The following WDR82 variants were observed in gnomAD, a reference collection of about 807,000 sequenced individuals.
WDR82 encodes the protein WD repeat domain 82.
In WDR82, 8 loss-of-function variants were observed where a neutral mutation model predicts 36.1. That is an observed-to-expected ratio of 0.22 (90% CI 0.13 to 0.40). WDR82 has a LOEUF of 0.40. Ranked by LOEUF, WDR82 falls within the 10% of genes least tolerant of loss-of-function variation. WDR82 has a pLI of 1.00. For missense variants in WDR82, 185 were observed against 400.5 expected (o/e 0.46, Z 4.59); for synonymous variants, 129 against 137.8 (o/e 0.94, Z 0.45).
Position 52,278,262 on chromosome 3 carries a change from C to T in WDR82, c.100G>A (p.Glu34Lys), listed in dbSNP as rs748560013. Residue 34 changes from glutamate (E) to lysine (K), a missense_variant, in exon 1 of 9, where the codon GAG becomes AAG. Coordinates refer to ENST00000296490, the MANE Select transcript of WDR82 (RefSeq NM_025222.4). ...INCFDFSPNG[E>K]TVISSSDDDS... ...TCGTCGCTACTCGAGATGACCGTCTCGCCGTTGGGGCTGAAATCGAAGCAG... is the reference window on the plus strand; with the variant it reads ...TCGTCGCTACTCGAGATGACCGTCTTGCCGTTGGGGCTGAAATCGAAGCAG... The T allele has an allele frequency of 6.2e-7, 1 of 1,611,266 alleles. No individual in the cohort carries two copies.
chr3:52,261,066 G>A (rs780176936), intron 4 of WDR82, among the ~76,000 whole-genome samples: 6 of 152,150 alleles, frequency 3.9e-5, no homozygotes, highest in East Asian at 1.9e-4. Flanking sequence ...TGGAGGTTGC[G>A]GTGAGCTGAG....
chr3:52,273,385 C>G (rs922373036), intron 1 of WDR82, among the ~76,000 whole-genome samples: 1 of 142,122 alleles, frequency 7.0e-6, no homozygotes, highest in South Asian at 2.3e-4. Flanking sequence ...GAGCCAAGAT[C>G]GCGCCATTGT....
chr3:52,266,665 C>T (rs532784590), intron 3 of WDR82, among the ~76,000 whole-genome samples: 3 of 152,032 alleles, frequency 2.0e-5, no homozygotes, highest in Admixed American at 6.6e-5. Flanking sequence ...TTCAAACTCC[C>T]GGCCTCAAGT....
intron 1 of WDR82, among the ~76,000 whole-genome samples, chr3:52,273,632 T>C (rs1700173837): frequency 6.6e-6 from 1 of 152,190 alleles, no homozygotes; most frequent in Non-Finnish European, 1.5e-5. Flanking sequence ...TTATTATTTT[T>C]ATGTTTTTGA....
intron 1 of WDR82, 70 bp from the exon 2 acceptor site, chr3:52,270,879 G>C (rs982927296): frequency 8.4e-7 from 1 of 1,196,320 alleles, no homozygotes; most frequent in African/African-American, 1.5e-5. Flanking sequence ...TCCACATAAA[G>C]AGAAGCACTT....
intron 8 of WDR82, 120 bp from the exon 9 acceptor site, chr3:52,257,639 TC>T: frequency 8.5e-7 from 1 of 1,178,566 alleles, no homozygotes; most frequent in East Asian, 2.5e-5. Context: ...TAGCCCTCTC[TC>T]CTAACCAACC....
Position 52,259,880 on chromosome 3 carries a change from A to C in WDR82, c.544-8T>G. 1 of 1,610,444 alleles carries C rather than the reference A, an allele frequency of 6.2e-7. No homozygotes were observed. Among genetic ancestry groups the C allele is most frequent in the Non-Finnish European group, 8.5e-7 (1 of 1,178,258 alleles). On this transcript the variant is annotated splice_polypyrimidine_tract_variant and splice_region_variant and intron_variant, in intron 5 of 8. Coordinates refer to ENST00000296490, the MANE Select transcript of WDR82 (RefSeq NM_025222.4). The stretch of plus-strand genomic sequence containing the variant: ...AAAGGTAGCAAATGGCCCCTGCAAA[A>C]GATAAAAAACAGTAGCCCCAGGCAT...
chr3:52,276,685 TACC>T (rs919625730), intron 1 of WDR82, among the ~76,000 whole-genome samples: 1 of 152,218 alleles, frequency 6.6e-6, no homozygotes, highest in African/African-American at 2.4e-5. Context: ...CTGACCCTAC[TACC>T]ACACCTTTAA....
intron 3 of WDR82, among the ~76,000 whole-genome samples, chr3:52,264,465 G>C (rs1455628244): frequency 6.6e-6 from 1 of 152,088 alleles, no homozygotes; most frequent in Non-Finnish European, 1.5e-5. Context: ...AGGGAATGAA[G>C]GATAAAGGTT....
intron 1 of WDR82, among the ~76,000 whole-genome samples, chr3:52,275,865 C>T (rs1174734356): frequency 6.6e-6 from 1 of 152,142 alleles, no homozygotes; most frequent in Non-Finnish European, 1.5e-5. Flanking sequence ...GCCTGGGCGA[C>T]TGAGCGAGAC....
chr3:52,266,014 G>A (rs931844235), intron 3 of WDR82, among the ~76,000 whole-genome samples: 1 of 152,118 alleles, frequency 6.6e-6, no homozygotes, highest in African/African-American at 2.4e-5. Context: ...ATATTATCCA[G>A]GGGAAAACGT....
Position 52,259,769 on chromosome 3 carries a change from C to T in WDR82, c.647G>A (p.Ser216Asn). The T allele has an allele frequency of 1.2e-6, 2 of 1,614,118 alleles. No homozygotes were observed. Among genetic ancestry groups the T allele is most frequent in the Non-Finnish European group, 1.7e-6 (2 of 1,180,008 alleles). ...GKLILISTNGSFIRLIDAFKG... is the reference protein window; with the variant it reads ...GKLILISTNGNFIRLIDAFKG... Reference sequence around the variant, plus strand: ...GAATGCATCAATCAGACGAATGAAGCTGCCGTTGGTGGAAATGAGGATGAG... The same window carrying T: ...GAATGCATCAATCAGACGAATGAAGTTGCCGTTGGTGGAAATGAGGATGAG... The change falls in exon 6 of 9, where the codon AGC (serine) becomes AAC (asparagine). Residue 216 changes from serine to asparagine, a missense_variant. This residue lies in a region of WDR82 where 110 missense variants were observed against 212.6 expected (regional missense o/e 0.52). Coordinates refer to ENST00000296490, the MANE Select transcript of WDR82 (RefSeq NM_025222.4).
intron 3 of WDR82, among the ~76,000 whole-genome samples, chr3:52,263,928 C>T (rs376073822): frequency 2.8e-4 from 43 of 152,292 alleles, no homozygotes; most frequent in African/African-American, 9.6e-4. Context: ...CTTTGGGAGG[C>T]TGAGGCGGAT....
At chr3:52,259,560 C>A (rs1485079178) in intron 6 of WDR82, among the ~76,000 whole-genome samples, 157 bp downstream of exon 6, 1 of 152,152 alleles carries the variant, frequency 6.6e-6, no homozygotes, top group Non-Finnish European at 1.5e-5. Context: ...TCTACGAAAT[C>A]CAAGAGAGGT....
In WDR82 at chr3:52,266,938, T is replaced by C. The variant is rs1700111416; in HGVS notation, c.326+14A>G. The C allele has an allele frequency of 6.2e-7, 1 of 1,603,498 alleles. No homozygotes were observed. The highest frequency in any genetic ancestry group is 1.3e-5 in the African/African-American group (1 of 74,680). On this transcript the variant is annotated intron_variant, in intron 3 of 8. Coordinates refer to ENST00000296490, the MANE Select transcript of WDR82 (RefSeq NM_025222.4). ...ATAAAAGAACTATCTGCTTCTATAA[T>C]ACGTGGGTCTTACCTTTTGCTATGT...
intron 1 of WDR82, among the ~76,000 whole-genome samples, chr3:52,271,588 TG>T (rs1405286219): frequency 2.1e-5 from 3 of 141,498 alleles, no homozygotes; most frequent in Non-Finnish European, 3.0e-5. Context: ...AGAAGCTCTG[TG>T]TTTTTTTTTT....
At chr3:52,265,342 G>GGAGGTCAA (rs1389941185) in intron 3 of WDR82, among the ~76,000 whole-genome samples, 2 of 137,472 alleles carry the variant, frequency 1.5e-5, no homozygotes, top group Non-Finnish European at 3.1e-5. Flanking sequence ...AAAAGAATCA[G>GGAGGTCAA]GAGGTCAAGA....
chr3:52,256,583 A>T lies in WDR82; in HGVS notation c.*907T>A, dbSNP rs1171730923. 2 of 153,750 alleles carry T rather than the reference A, an allele frequency of 1.3e-5. No homozygotes were observed. Among genetic ancestry groups the T allele is most frequent in the African/African-American group, 4.8e-5 (2 of 41,434 alleles). The allele number at this position is 153,750 out of a possible 1,614,324, so 9.5% of individuals were successfully genotyped here. On this transcript the variant is annotated 3_prime_UTR_variant, in exon 9 of 9. Coordinates refer to ENST00000296490, the MANE Select transcript of WDR82 (RefSeq NM_025222.4). ...GGCAGGGAAGGCATCAGTGTAAACA[A>T]CTCAGACTCACTTCACAATACTGGC...
At chr3:52,263,922 G>A (rs983430835) in intron 3 of WDR82, among the ~76,000 whole-genome samples, 6 of 152,242 alleles carry the variant, frequency 3.9e-5, no homozygotes, top group African/African-American at 1.4e-4. Flanking sequence ...CCAGCACTTT[G>A]GGAGGCTGAG....
Sources: gnomAD v4.1 joint callset for allele counts (sites outside exome capture counted in the v4.1 genomes callset) on GRCh38, gnomAD v4.1.1 for gene constraint, gnomAD v4.1.1 regional missense constraint, MANE v1.5 for transcripts, NCBI Gene and HGNC (gene_info 2026-07-23, HGNC 2026-07-21) for gene names.